IDO2: variants seen among roughly 807,000 people sequenced by gnomAD.
IDO2 encodes indoleamine 2,3-dioxygenase-like 1 protein.
In IDO2, 46 loss-of-function variants were observed where a neutral mutation model predicts 45.1. That is an observed-to-expected ratio of 1.02 (90% CI 0.80 to 1.30). The LOEUF (loss-of-function observed/expected upper bound fraction) is 1.30. Among genes scored for constraint, IDO2 ranks in the 50% most tolerant of loss-of-function variants. The pLI is 0.00. For missense variants in IDO2, 544 were observed against 491.8 expected (o/e 1.11, Z -1.00); for synonymous variants, 218 against 184.9 (o/e 1.18, Z -1.45).
intron 3 of IDO2, among the ~76,000 whole-genome samples, chr8:39,968,667 A>C (rs1247768758): frequency 6.6e-6 from 1 of 152,020 alleles, no homozygotes; most frequent in African/African-American, 2.4e-5. Flanking sequence ...CAATGAGAAC[A>C]CAAGGACACA....
intron 8 of IDO2, among the ~76,000 whole-genome samples, chr8:39,992,694 T>G (rs1459649020): frequency 6.6e-6 from 1 of 152,214 alleles, no homozygotes; most frequent in Admixed American, 6.5e-5. Flanking sequence ...TTCTGCGTGA[T>G]AAATAGAGCT....
intron 9 of IDO2, among the ~76,000 whole-genome samples, chr8:40,008,016 G>GTT (rs35025709): frequency 2.5e-5 from 3 of 118,962 alleles, no homozygotes; most frequent in African/African-American, 9.3e-5. Context: ...CTTATCATGT[G>GTT]TTTTTTTTTT....
intron 10 of IDO2, 21 bp from the exon 11 acceptor site, chr8:40,015,226 A>G (rs759351934): frequency 3.0e-6 from 4 of 1,346,670 alleles, no homozygotes; most frequent in Non-Finnish European, 4.2e-6. Flanking sequence ...CTATGACGTT[A>G]TGCTGTATTG....
chr8:39,944,726 A>C (rs904485091), intron 1 of IDO2, among the ~76,000 whole-genome samples: 2 of 152,104 alleles, frequency 1.3e-5, no homozygotes, highest in African/African-American at 4.8e-5. Context: ...CTTTTTGCCT[A>C]ATTTATTTCT....
intron 3 of IDO2, among the ~76,000 whole-genome samples, chr8:39,974,442 G>T (rs1808228480): frequency 6.6e-6 from 1 of 152,222 alleles, no homozygotes; most frequent in South Asian, 2.1e-4. Flanking sequence ...TGTTTCATCT[G>T]TTGGAAGAAA....
At chr8:39,990,166 G>A (rs780488910) in intron 8 of IDO2, among the ~76,000 whole-genome samples, 1 of 152,110 alleles carries the variant, frequency 6.6e-6, no homozygotes, top group Non-Finnish European at 1.5e-5. Flanking sequence ...GGTCGCGCGT[G>A]CCCCATCCTG....
intron 8 of IDO2, chr8:39,995,212 T>G: frequency 1.5e-5 from 1 of 67,574 alleles, no homozygotes; most frequent in Non-Finnish European, 2.8e-5. Context: ...TCCTTCTCCT[T>G]CTCCTTCTCC....
intron 1 of IDO2, among the ~76,000 whole-genome samples, chr8:39,942,444 G>C (rs1300101794): frequency 1.3e-5 from 2 of 152,084 alleles, no homozygotes; most frequent in Non-Finnish European, 2.9e-5. Context: ...AGGAGTTTGA[G>C]ACCAGCCTGG....
At chr8:39,965,426 G>A (rs1223638214) in intron 3 of IDO2, among the ~76,000 whole-genome samples, 1 of 152,176 alleles carries the variant, frequency 6.6e-6, no homozygotes, top group African/African-American at 2.4e-5. Context: ...GACAGAGGTT[G>A]CAGTTAGCTG....
intron 2 of IDO2, among the ~76,000 whole-genome samples, chr8:39,963,370 T>G (rs1428538197): frequency 6.6e-6 from 1 of 152,262 alleles, no homozygotes; most frequent in Non-Finnish European, 1.5e-5. Flanking sequence ...AAACATATTT[T>G]ACTGCATTGG....
chr8:39,951,428 C>T (rs959010405), intron 2 of IDO2, among the ~76,000 whole-genome samples: 2 of 151,984 alleles, frequency 1.3e-5, no homozygotes, highest in African/African-American at 4.8e-5. Flanking sequence ...TGGATGGACG[C>T]CTGACATGCA....
chr8:39,951,351 G>T (rs919286656), intron 2 of IDO2, among the ~76,000 whole-genome samples: 5 of 149,538 alleles, frequency 3.3e-5, no homozygotes, highest in Non-Finnish European at 5.9e-5. Flanking sequence ...TGAGAAATGG[G>T]AATGGACCGG....
chr8:39,934,992 A>G (rs1006048431), exon 1 of IDO2: 7 of 664,792 alleles, frequency 1.1e-5, no homozygotes, highest in Non-Finnish European at 1.9e-5. Flanking sequence ...AAGAATACAG[A>G]GAGTCCACAA....
At chr8:39,942,893 G>T (rs1163134937) in intron 1 of IDO2, among the ~76,000 whole-genome samples, 8 of 152,040 alleles carry the variant, frequency 5.3e-5, no homozygotes, top group Non-Finnish European at 2.9e-5. Context: ...GGGAATGGAT[G>T]AAAAAAACCA....
intron 2 of IDO2, among the ~76,000 whole-genome samples, chr8:39,961,142 G>A (rs1431584095): frequency 1.3e-5 from 2 of 152,022 alleles, no homozygotes; most frequent in Admixed American, 1.3e-4. Flanking sequence ...CTGTCACTAT[G>A]TTTTTGATCT....
At chr8:39,949,839 C>T (rs879887104) in intron 2 of IDO2, among the ~76,000 whole-genome samples, 1 of 152,156 alleles carries the variant, frequency 6.6e-6, no homozygotes, top group Non-Finnish European at 1.5e-5. Flanking sequence ...AACTTGGGTG[C>T]TTTCAGGGCT....
At chr8:40,007,825 G>A (rs1159565806) in intron 9 of IDO2, among the ~76,000 whole-genome samples, 2 of 152,152 alleles carry the variant, frequency 1.3e-5, no homozygotes, top group Non-Finnish European at 2.9e-5. Flanking sequence ...GGTCGCAAAA[G>A]GCCGAAGTCA....
chr8:40,007,785 T>C (rs529230648), intron 9 of IDO2, among the ~76,000 whole-genome samples: 1 of 152,204 alleles, frequency 6.6e-6, no homozygotes, highest in Non-Finnish European at 1.5e-5. Context: ...GTCGGAATCA[T>C]AGGCAAGCTC....
At chr8:39,950,011 C>A (rs1352791633) in intron 2 of IDO2, among the ~76,000 whole-genome samples, 2 of 151,896 alleles carry the variant, frequency 1.3e-5, no homozygotes, top group East Asian at 3.9e-4. Flanking sequence ...CTGGTGTGGT[C>A]CAAGGCCTAG....
Sources: gnomAD v4.1 joint callset for allele counts (sites outside exome capture counted in the v4.1 genomes callset) on GRCh38, gnomAD v4.1.1 for gene constraint, MANE v1.5 for transcripts, NCBI Gene and HGNC (gene_info 2026-07-23, HGNC 2026-07-21) for gene names.